Variants in GHITM observed in about 807,000 individuals in gnomAD.
GHITM encodes growth hormone-inducible transmembrane protein.
In GHITM, 24 loss-of-function variants were observed where a neutral mutation model predicts 38.7. That is an observed-to-expected ratio of 0.62 (90% CI 0.45 to 0.87). The LOEUF is 0.87. GHITM is among the 40% of genes least tolerant of loss of function. The pLI, the probability that GHITM is intolerant of heterozygous loss-of-function variation, is 0.00. For synonymous variants in GHITM, 154 were observed against 147.8 expected (o/e 1.04, Z -0.30); for missense variants, 420 against 429.8 (o/e 0.98, Z 0.20).
At chr10:84,144,345 TTTTGTTTGTTTG>T (rs148723613) in intron 4 of GHITM, among the ~76,000 whole-genome samples, 1 of 117,484 alleles carries the variant, frequency 8.5e-6, no homozygotes, top group African/African-American at 3.0e-5. Context: ...GAAATATGTT[TTTTGTTTGTTTG>T]TTTGTTTGTT....
At chr10:84,143,390 T>C (rs886451414) in intron 3 of GHITM, among the ~76,000 whole-genome samples, 1 of 152,192 alleles carries the variant, frequency 6.6e-6, no homozygotes, top group Non-Finnish European at 1.5e-5. Context: ...TCATGCAAAT[T>C]ATGTAGTGAC....
chr10:84,148,831 A>G lies in GHITM; in HGVS notation c.585A>G (p.Leu195=), dbSNP rs753716250. 2.0e-5 allele frequency: 31 copies of G among 1,587,510 alleles called. No homozygotes were observed. Among genetic ancestry groups the G allele is most frequent in the Admixed American group, 3.3e-5 (2 of 59,966 alleles). The change falls in exon 6 of 9, where the codon CTA becomes CTG. Residue 195 remains leucine, a synonymous_variant. Coordinates refer to ENST00000372134, the MANE Select transcript of GHITM (RefSeq NM_014394.3). ...SPGPKHLAWL[L]HSGVMGAVVA... is the part of the protein sequence containing the mutation. ...GCCCAAAGCATCTTGCTTGGTTGCTACATTCTGGTATGTTCTGTTTTAAAT... is the reference window on the plus strand; with the variant it reads ...GCCCAAAGCATCTTGCTTGGTTGCTGCATTCTGGTATGTTCTGTTTTAAAT...
At chr10:84,140,737 C>T (rs1841498030) in intron 1 of GHITM, among the ~76,000 whole-genome samples, 1 of 151,926 alleles carries the variant, frequency 6.6e-6, no homozygotes, top group African/African-American at 2.4e-5. Flanking sequence ...TGCCCTGGAG[C>T]TAAGATAATC....
In GHITM at chr10:84,150,816, A is replaced by C; in HGVS notation, c.889A>C (p.Lys297Gln). Residue 297 changes from lysine (K) to glutamine (Q), a missense_variant, in exon 8 of 9, where the codon AAA (lysine) becomes CAA (glutamine). Lys to Gln is a moderately conservative substitution (Grantham distance 53). Transcript: ENST00000372134. ...FSMFLLYDTQ[K>Q]VIKRAEVSPM... ...CATGTTCCTTCTGTATGATACCCAG[A>C]AAGTAATCAAGCGTGCAGAAGTATC... 1 of 1,612,302 alleles carries C rather than the reference A, an allele frequency of 6.2e-7. No homozygotes were observed. Among genetic ancestry groups the C allele is most frequent in the Non-Finnish European group, 8.5e-7 (1 of 1,178,474 alleles).
intron 2 of GHITM, 115 bp downstream of exon 2, chr10:84,141,744 T>A: frequency 1.1e-6 from 1 of 917,266 alleles, no homozygotes; most frequent in Non-Finnish European, 1.8e-6. Flanking sequence ...GCCCTGATAA[T>A]ATCCCCAATC....
At position 84,148,921 on chromosome 10, in the gene GHITM, A is replaced by G. The variant is rs1445373580; in HGVS notation, c.592+83A>G. 6.8e-5 allele frequency: 53 copies of G among 782,690 alleles called. 1 individual carries two copies. The highest frequency in any genetic ancestry group is 2.6e-5 in the East Asian group (1 of 38,612). 48.5% of individuals were successfully genotyped at this position (782,690 alleles called of 1,614,324 possible). ...CTCTTCACAGTTGTAAATGACCTAC[A>G]TGGAATTTAAGCCTCATGTTTAGAA... On this transcript the variant is annotated intron_variant, in intron 6 of 8. Coordinates refer to ENST00000372134, the MANE Select transcript of GHITM (RefSeq NM_014394.3).
chr10:84,148,588 G>GC, intron 5 of GHITM, 142 bp from the exon 6 acceptor site: 1 of 600,050 alleles, frequency 1.7e-6, no homozygotes. Context: ...GAGCCACCAC[G>GC]CCTGGCCTTA....
Position 84,150,236 on chromosome 10 carries a change from C to T in GHITM, c.774C>T (p.Ser258=). 2 of 1,603,042 alleles carry T rather than the reference C, an allele frequency of 1.2e-6. No individual in the cohort carries two copies. The highest frequency in any genetic ancestry group is 1.1e-5 in the South Asian group (1 of 90,052). Residue 258 remains serine, a synonymous_variant, in exon 7 of 9, where the codon TCC becomes TCT. Transcript: ENST00000372134. ...TGGGCCTGGGTCTCGTCTTTGTGTCCTCATTGGGTAAGCTGCTGTGTTTTA... is the reference window on the plus strand; with the variant it reads ...TGGGCCTGGGTCTCGTCTTTGTGTCTTCATTGGGTAAGCTGCTGTGTTTTA... ...LGVGLGLVFV[S]SLGSMFLPPT...
At chr10:84,150,389 T>C in intron 7 of GHITM, 146 bp downstream of exon 7, 1 of 656,908 alleles carries the variant, frequency 1.5e-6, no homozygotes, top group Non-Finnish European at 2.5e-6. Context: ...CTACCTGACA[T>C]CATATAAAAA....
At chr10:84,152,156 C>T in intron 8 of GHITM, 108 bp from the exon 9 acceptor site, 8 of 570,576 alleles carry the variant, frequency 1.4e-5, no homozygotes, top group Middle Eastern at 3.8e-4. Context: ...TTTTAATTTC[C>T]ATTTTATATC....
intron 5 of GHITM, among the ~76,000 whole-genome samples, chr10:84,145,580 C>G (rs544834954): frequency 2.0e-5 from 3 of 152,310 alleles, no homozygotes; most frequent in African/African-American, 7.2e-5. Context: ...TCTTAGAAGT[C>G]AGAGGGAAAT....
chr10:84,148,896 C>G, intron 6 of GHITM, 58 bp downstream of exon 6: 1 of 974,672 alleles, frequency 1.0e-6, no homozygotes, highest in Non-Finnish European at 1.7e-6. Flanking sequence ...TTTTGGGTGG[C>G]TCTTCACAGT....
rs368398297 is a variant in GHITM at position 84,150,694 on chromosome 10, G to T, written c.782-15G>T. The T allele has an allele frequency of 1.3e-6, 2 of 1,560,802 alleles. No homozygotes were observed. Among genetic ancestry groups the T allele is most frequent in the Non-Finnish European group, 1.7e-6 (2 of 1,152,952 alleles). ...CTTTTTTAAAAAAAATCTTGTTTTCGCATTTTGATTTCAGGATCTATGTTT... is the reference window on the plus strand; with the variant it reads ...CTTTTTTAAAAAAAATCTTGTTTTCTCATTTTGATTTCAGGATCTATGTTT... On this transcript the variant is annotated splice_polypyrimidine_tract_variant and intron_variant, in intron 7 of 8. Transcript: ENST00000372134.
rs1006999654 is a variant in GHITM at position 84,152,548 on chromosome 10, T to A, written c.*200T>A. ...ATAAATGCAGTAATCCTCTCCCAAATAAGCACACACATTTTCAATTCTCAT... is the reference window on the plus strand; with the variant it reads ...ATAAATGCAGTAATCCTCTCCCAAAAAAGCACACACATTTTCAATTCTCAT... On this transcript the variant is annotated 3_prime_UTR_variant, in exon 9 of 9. Transcript: ENST00000372134. The A allele has an allele frequency of 2.5e-6, 1 of 407,406 alleles. No homozygotes were observed. 25.2% of individuals were successfully genotyped at this position (407,406 alleles called of 1,614,324 possible).
rs573476331 is a variant in GHITM, at chr10:84,150,987, T to A, written c.953+107T>A. The A allele has an allele frequency of 8.3e-5, 59 of 709,978 alleles. No homozygotes were observed. In the African/African-American group the frequency reaches 9.7e-4, roughly 12 times the overall value. The allele number at this position is 709,978 out of a possible 1,614,324, so 44.0% of individuals were successfully genotyped here. A position where few individuals can be genotyped will look rare whatever the true frequency, so the allele number is the denominator to read the frequency against. On this transcript the variant is annotated intron_variant, in intron 8 of 8. Coordinates refer to ENST00000372134, the MANE Select transcript of GHITM (RefSeq NM_014394.3). ...TGTATTAGTTTTCTAGGGATACTGT[T>A]AACAAAGTATCGCAGACTGGGTGGC...
chr10:84,147,459 G>A (rs1281293613), intron 5 of GHITM, among the ~76,000 whole-genome samples: 1 of 152,134 alleles, frequency 6.6e-6, no homozygotes, highest in African/African-American at 2.4e-5. Flanking sequence ...TGGTTTACCT[G>A]TACTTTATAT....
rs1841506457 is a variant in GHITM, at chr10:84,141,541, C to T, written c.41C>T (p.Ser14Phe). ...ARLVCLRTLPSRVFHPAFTKA... is the reference protein window; with the variant it reads ...ARLVCLRTLPFRVFHPAFTKA... ...CTGGTGTGTCTCCGGACACTACCTTCTAGGGTTTTCCACCCAGCTTTCACC... is the reference window on the plus strand; with the variant it reads ...CTGGTGTGTCTCCGGACACTACCTTTTAGGGTTTTCCACCCAGCTTTCACC... The change falls in exon 2 of 9, where the codon TCT becomes TTT. Residue 14 changes from serine (S) to phenylalanine (F), a missense_variant. By Grantham distance (155) the Ser-to-Phe change is radical. Coordinates refer to ENST00000372134, the MANE Select transcript of GHITM (RefSeq NM_014394.3). 6.2e-7 allele frequency: 1 copy of T among 1,613,480 alleles called. No homozygotes were observed. The highest frequency in any genetic ancestry group is 1.3e-5 in the African/African-American group (1 of 74,876).
At chr10:84,148,168 A>G (rs1328617506) in intron 5 of GHITM, among the ~76,000 whole-genome samples, 2 of 152,242 alleles carry the variant, frequency 1.3e-5, no homozygotes, top group African/African-American at 4.8e-5. Context: ...ATGCATTTGA[A>G]GCTGTCTGCA....
chr10:84,152,040 AT>A (rs930946014), intron 8 of GHITM, among the ~76,000 whole-genome samples: 1 of 152,164 alleles, frequency 6.6e-6, no homozygotes, highest in East Asian at 1.9e-4. Flanking sequence ...TAAAATAATG[AT>A]TTTTTTAAAC....
Sources: gnomAD v4.1 joint callset for allele counts (sites outside exome capture counted in the v4.1 genomes callset) on GRCh38, gnomAD v4.1.1 for gene constraint, MANE v1.5 for transcripts, NCBI Gene and HGNC (gene_info 2026-07-23, HGNC 2026-07-21) for gene names.